Variants in UNC79 observed in about 807,000 individuals in gnomAD.
The protein encoded by UNC79 is unc-79 subunit of NALCN channel complex.
In UNC79, 37 loss-of-function variants were observed where a neutral mutation model predicts 283.1. The ratio of observed to expected loss-of-function variants is 0.13; its 90% CI spans 0.10 to 0.17. UNC79 has a LOEUF of 0.17. Among genes scored for constraint, UNC79 ranks in the 10% least tolerant of loss-of-function variants. The probability of loss-of-function intolerance (pLI) is 1.00; values close to 1 mark genes in which losing one functional copy is unlikely to be tolerated. For synonymous variants in UNC79, 1,107 were observed against 1,200.2 expected (o/e 0.92, Z 1.61); for missense variants, 2,272 against 3,211.1 (o/e 0.71, Z 7.07).
chr14:93,572,116 T>C (rs1240121664), intron 15 of UNC79, 32 bp downstream of exon 15: 2 of 1,605,210 alleles, frequency 1.2e-6, no homozygotes, highest in Non-Finnish European at 8.5e-7. Flanking sequence ...GTCACTGTAA[T>C]TATAATCATA....
At chr14:93,348,631 A>G (rs2139905504) in intron 1 of UNC79, among the ~76,000 whole-genome samples, 1 of 152,344 alleles carries the variant, frequency 6.6e-6, no homozygotes, top group East Asian at 1.9e-4. Context: ...AAATGACTAC[A>G]CGTCAGAATG....
At chr14:93,443,156 C>T (rs796122235) in intron 1 of UNC79, among the ~76,000 whole-genome samples, 13 of 151,776 alleles carry the variant, frequency 8.6e-5, no homozygotes, top group African/African-American at 2.2e-4. Context: ...CCTAGGAAGC[C>T]GAGGTTGCAG....
intron 1 of UNC79, among the ~76,000 whole-genome samples, chr14:93,398,100 A>G (rs2055034701): frequency 6.6e-6 from 1 of 152,164 alleles, no homozygotes; most frequent in Non-Finnish European, 1.5e-5. Flanking sequence ...TGTCTTCTCC[A>G]TAATTATTAA....
intron 1 of UNC79, among the ~76,000 whole-genome samples, chr14:93,436,798 G>T (rs912331112): frequency 6.6e-6 from 1 of 152,076 alleles, no homozygotes; most frequent in African/African-American, 2.4e-5. Context: ...AATGTGAAAA[G>T]CTCAACAATT....
intron 41 of UNC79, among the ~76,000 whole-genome samples, chr14:93,674,356 G>A (rs1028852926): frequency 2.0e-5 from 3 of 152,136 alleles, no homozygotes; most frequent in Non-Finnish European, 4.4e-5. Context: ...GCAGGATGGT[G>A]GAGTACATTT....
intron 1 of UNC79, among the ~76,000 whole-genome samples, chr14:93,349,150 C>T (rs935228634): frequency 6.6e-6 from 1 of 152,174 alleles, no homozygotes; most frequent in Non-Finnish European, 1.5e-5. Flanking sequence ...GGACACACAC[C>T]ATCTTTAACA....
intron 23 of UNC79, among the ~76,000 whole-genome samples, chr14:93,594,624 A>G (rs2064933416): frequency 6.6e-6 from 1 of 152,158 alleles, no homozygotes; most frequent in South Asian, 2.1e-4. Flanking sequence ...TACCCTTGCC[A>G]CTGAGGGATC....
In UNC79 at chr14:93,582,101, C is replaced by T. The variant is rs527686793; in HGVS notation, c.2662-102C>T. 78 of 1,578,644 alleles carry T rather than the reference C, an allele frequency of 4.9e-5. No homozygotes were observed. In the East Asian group the frequency reaches 1.2e-3, roughly 24 times the overall value. Reference sequence around the variant, plus strand: ...CCTCTGGCCTCAGCAGCATGGGACCCGAGACACAGCAGGTGTGCAGTCCAG... The same window carrying T: ...CCTCTGGCCTCAGCAGCATGGGACCTGAGACACAGCAGGTGTGCAGTCCAG... On this transcript the variant is annotated intron_variant, in intron 19 of 48. Coordinates refer to ENST00000555664, the Ensembl canonical transcript of UNC79.
intron 1 of UNC79, among the ~76,000 whole-genome samples, chr14:93,437,021 T>A (rs553042703): frequency 3.3e-5 from 5 of 152,240 alleles, no homozygotes; most frequent in African/African-American, 9.6e-5. Context: ...GGTCTTCCAA[T>A]AGAATAAAAT....
At chr14:93,441,853 C>G (rs900699074) in intron 1 of UNC79, among the ~76,000 whole-genome samples, 3 of 152,094 alleles carry the variant, frequency 2.0e-5, no homozygotes, top group Admixed American at 1.3e-4. Flanking sequence ...ATCACTCATT[C>G]TTATACTGCT....
chr14:93,554,836 A>G (rs2062079475), intron 14 of UNC79, among the ~76,000 whole-genome samples: 1 of 152,194 alleles, frequency 6.6e-6, no homozygotes, highest in Admixed American at 6.5e-5. Context: ...TCTTTTAAAA[A>G]CTACATTCCC....
At position 93,698,492 on chromosome 14, in the gene UNC79, T is replaced by G. The variant is rs1267833208; in HGVS notation, c.7548+4080T>G. 1.7e-3 allele frequency among the ~76,000 whole-genome samples: 209 copies of G among 124,182 alleles called. 2 individuals are homozygous for G. In the East Asian group the frequency reaches 0.03, roughly 18 times the overall value. 81.5% of individuals were successfully genotyped at this position (124,182 alleles called of 152,430 possible). A position where few individuals can be genotyped will look rare whatever the true frequency, so the allele number is the denominator to read the frequency against. On this transcript the variant is annotated intron_variant, in intron 47 of 48. Transcript: ENST00000555664. ...TTAGTTTAGGTTTTTTTTTTTTTTT[T>G]TTTTTTTTTTTGAGATCAGGTCTTG...
At chr14:93,654,609 A>C (rs1188556856) in intron 37 of UNC79, among the ~76,000 whole-genome samples, 1 of 151,786 alleles carries the variant, frequency 6.6e-6, no homozygotes, top group Non-Finnish European at 1.5e-5. Flanking sequence ...AATTTTAAAA[A>C]TTAACATAAT....
intron 40 of UNC79, among the ~76,000 whole-genome samples, chr14:93,663,065 G>C (rs1345364471): frequency 6.6e-6 from 1 of 152,086 alleles, no homozygotes; most frequent in Non-Finnish European, 1.5e-5. Context: ...GTGGGGCAAG[G>C]CATCTCTACA....
At chr14:93,493,732 T>C (rs1489185856) in intron 5 of UNC79, among the ~76,000 whole-genome samples, 4 of 151,622 alleles carry the variant, frequency 2.6e-5, no homozygotes, top group Non-Finnish European at 4.4e-5. Context: ...CATTGAGTCA[T>C]GGTTCTGTAG....
intron 1 of UNC79, among the ~76,000 whole-genome samples, chr14:93,377,322 C>G (rs1161986481): frequency 6.6e-6 from 1 of 152,040 alleles, no homozygotes; most frequent in East Asian, 1.9e-4. Flanking sequence ...TCTTGATCTC[C>G]TAACCTCGTG....
chr14:93,586,702 T>G, intron 21 of UNC79, 27 bp downstream of exon 21: 1 of 1,613,270 alleles, frequency 6.2e-7, no homozygotes, highest in African/African-American at 1.3e-5. Context: ...CTTTGAATAC[T>G]TGGCTTGGTA....
In UNC79 at chr14:93,691,356, T is replaced by TA. The variant is rs571570130; in HGVS notation, c.7273-392dup. The stretch of plus-strand genomic sequence containing the variant: ...GTGTATTCACGTATATCACCTGCTT[T>TA]ACTCCCATGCTTTGAAGAGACTACT... On this transcript the variant is annotated intron_variant, in intron 45 of 48. Coordinates refer to ENST00000555664, the Ensembl canonical transcript of UNC79. The TA allele has an allele frequency of 1.8e-3, 451 of 254,794 alleles. 2 individuals are homozygous for TA. The highest frequency in any genetic ancestry group is 2.5e-3 in the Non-Finnish European group (326 of 129,096). 15.8% of individuals were successfully genotyped at this position (254,794 alleles called of 1,614,324 possible).
chr14:93,605,015 A>G (rs768709723), intron 26 of UNC79, 54 bp downstream of exon 27: 16 of 1,522,464 alleles, frequency 1.1e-5, no homozygotes, highest in Middle Eastern at 3.4e-4. Context: ...ACAGGTGGAC[A>G]AGGTAGAGAA....
Sources: gnomAD v4.1 joint callset for allele counts (sites outside exome capture counted in the v4.1 genomes callset) on GRCh38, gnomAD v4.1.1 for gene constraint, MANE v1.5 for transcripts, NCBI Gene and HGNC (gene_info 2026-07-23, HGNC 2026-07-21) for gene names.